Variants in PIK3C2A observed in about 807,000 individuals in gnomAD.
The protein encoded by PIK3C2A is phosphatidylinositol-4-phosphate 3-kinase catalytic subunit type 2 alpha.
A neutral mutation model predicts 204.5 loss-of-function variants in PIK3C2A; 97 were observed. The ratio of observed to expected loss-of-function variants is 0.47; its 90% CI spans 0.40 to 0.56. The LOEUF (loss-of-function observed/expected upper bound fraction) is 0.56, where lower values mean the gene tolerates loss of function less well. Ranked by LOEUF, PIK3C2A falls within the 20% of genes least tolerant of loss-of-function variation. PIK3C2A has a pLI of 0.00. For synonymous variants in PIK3C2A, 653 were observed against 664.4 expected (o/e 0.98, Z 0.26); for missense variants, 1,735 against 1,969.2 (o/e 0.88, Z 2.25).
Position 17,121,104 on chromosome 11 carries a change from T to TTTTTCTTTTC in PIK3C2A, c.2657+1074_2657+1083dup, listed in dbSNP as rs533558948. On this transcript the variant is annotated intron_variant, in intron 15 of 32. Transcript: ENST00000691414. ...CCTATTGATGGACATTTCCAATCAA[T>TTTTTCTTTTC]TTTTCTTTTCTTTTCTTTTCTTTTC... Among the ~76,000 whole-genome samples, 60 of 152,158 alleles carry TTTTTCTTTTC rather than the reference T, an allele frequency of 3.9e-4. No individual in the cohort carries two copies. In the East Asian group the frequency reaches 9.7e-3, roughly 24 times the overall value.
At chr11:17,137,279 G>A (rs1849902765) in intron 8 of PIK3C2A, among the ~76,000 whole-genome samples, 1 of 152,004 alleles carries the variant, frequency 6.6e-6, no homozygotes, top group Non-Finnish European at 1.5e-5. Context: ...CAATTACCCT[G>A]TAGTCCTCGG....
chr11:17,096,931 C>A, intron 27 of PIK3C2A, 126 bp downstream of exon 27: 1 of 618,136 alleles, frequency 1.6e-6, no homozygotes, highest in Non-Finnish European at 2.8e-6. Context: ...TATTTATGGA[C>A]CATTCATGAA....
intron 1 of PIK3C2A, among the ~76,000 whole-genome samples, chr11:17,197,027 G>A (rs765651645): frequency 4.6e-5 from 7 of 151,968 alleles, no homozygotes; most frequent in African/African-American, 1.7e-4. Context: ...GGCCAGGCAC[G>A]GGGCCTCACA....
In PIK3C2A at chr11:17,202,689, G is replaced by A. The variant is rs538866081; in HGVS notation, c.-66+5159C>T. Among the ~76,000 whole-genome samples the A allele has an allele frequency of 1.6e-4, 24 of 152,274 alleles. No homozygotes were observed. The South Asian group carries it at 4.8e-3, about 30-fold the overall frequency. ...ACATCTTTGGGCCTCAGCAAAATCA[G>A]AATACTTGCTGTATTTACCTCACAG... On this transcript the variant is annotated intron_variant, in intron 1 of 32. Transcript: ENST00000691414.
intron 2 of PIK3C2A, among the ~76,000 whole-genome samples, chr11:17,161,322 CTCAG>C (rs746376252): frequency 7.2e-5 from 11 of 152,264 alleles, no homozygotes; most frequent in African/African-American, 1.2e-4. Context: ...TTCAAATATA[CTCAG>C]TCAGACTATG....
chr11:17,129,712 C>T (rs1015856137), intron 12 of PIK3C2A, among the ~76,000 whole-genome samples: 2 of 152,196 alleles, frequency 1.3e-5, no homozygotes, highest in Non-Finnish European at 2.9e-5. Flanking sequence ...CTGCCTCCGA[C>T]TCTCAAGTAG....
At chr11:17,123,178 GGATTA>G (rs1382402302) in intron 13 of PIK3C2A, among the ~76,000 whole-genome samples, 3 of 152,226 alleles carry the variant, frequency 2.0e-5, no homozygotes, top group African/African-American at 7.2e-5. Context: ...GTGGTGGTTT[GGATTA>G]CAGAACTGCT....
intron 30 of PIK3C2A, 89 bp downstream of exon 30, chr11:17,091,907 T>TA: frequency 1.2e-6 from 1 of 856,938 alleles, no homozygotes; most frequent in Non-Finnish European, 2.0e-6. Flanking sequence ...CTACAGCTAG[T>TA]AAGCCTGCTG....
At chr11:17,102,216 C>T (rs1011405745) in intron 24 of PIK3C2A, among the ~76,000 whole-genome samples, 8 of 152,236 alleles carry the variant, frequency 5.3e-5, no homozygotes, top group Non-Finnish European at 1.0e-4. Flanking sequence ...GCGGGTAGAT[C>T]ACTTGGTCAG....
chr11:17,121,898 T>C (rs1849377982), intron 15 of PIK3C2A, among the ~76,000 whole-genome samples: 1 of 151,976 alleles, frequency 6.6e-6, no homozygotes, highest in Non-Finnish European at 1.5e-5. Flanking sequence ...AGTCTATTGT[T>C]TGCCTTTTAA....
chr11:17,135,242 C>G, intron 9 of PIK3C2A, 83 bp from the exon 10 acceptor site: 1 of 1,378,912 alleles, frequency 7.3e-7, no homozygotes, highest in Non-Finnish European at 1.0e-6. Flanking sequence ...CCAAGAAACT[C>G]TTTCCAGGGG....
intron 1 of PIK3C2A, among the ~76,000 whole-genome samples, chr11:17,194,721 C>T: frequency 6.6e-6 from 1 of 151,964 alleles, no homozygotes; most frequent in Middle Eastern, 3.2e-3. Context: ...ACCAGCCTCA[C>T]CAACATGGTG....
At chr11:17,130,773 C>T (rs1426750634) in intron 12 of PIK3C2A, among the ~76,000 whole-genome samples, 1 of 147,066 alleles carries the variant, frequency 6.8e-6, no homozygotes, top group Non-Finnish European at 1.5e-5. Context: ...CACCACTGCA[C>T]TCCAGCCTGG....
chr11:17,154,215 A>G (rs1850513173), intron 3 of PIK3C2A, among the ~76,000 whole-genome samples: 2 of 152,200 alleles, frequency 1.3e-5, no homozygotes, highest in South Asian at 2.1e-4. Flanking sequence ...TGCAAAGCTT[A>G]AATGTAGTAG....
Position 17,169,689 on chromosome 11 carries a change from G to A in PIK3C2A, c.53C>T (p.Pro18Leu), listed in dbSNP as rs1395676889. 2.5e-5 allele frequency: 40 copies of A among 1,609,640 alleles called. No homozygotes were observed. The East Asian group carries it at 3.3e-4, about 13-fold the overall frequency. The stretch of plus-strand genomic sequence containing the variant: ...CACATCTTTTGCTCTTGTTGGTTCC[G>A]GATGTGAAGATGGACATTCTTTAAA... ...SGFKECPSSH[P>L]EPTRAKDVDK... The change falls in exon 2 of 33, where the codon CCG becomes CTG. Residue 18 changes from proline to leucine, a missense_variant. By Grantham distance (98) the Pro-to-Leu change is moderately conservative. Coordinates refer to ENST00000691414, the MANE Select transcript of PIK3C2A (RefSeq NM_002645.4).
intron 1 of PIK3C2A, among the ~76,000 whole-genome samples, chr11:17,204,697 G>C (rs1253002071): frequency 6.6e-6 from 1 of 152,024 alleles, no homozygotes; most frequent in Admixed American, 6.6e-5. Flanking sequence ...TCTTATCCCT[G>C]GGAACCTTTG....
At chr11:17,196,805 C>T (rs1852176732) in intron 1 of PIK3C2A, among the ~76,000 whole-genome samples, 1 of 151,926 alleles carries the variant, frequency 6.6e-6, no homozygotes, top group Non-Finnish European at 1.5e-5. Flanking sequence ...CTCCTGACCT[C>T]GTGATCCGCC....
chr11:17,120,505 T>C (rs1455965146), intron 15 of PIK3C2A, among the ~76,000 whole-genome samples: 1 of 151,704 alleles, frequency 6.6e-6, no homozygotes, highest in African/African-American at 2.4e-5. Context: ...TATATATAAA[T>C]ATATATATAC....
chr11:17,180,274 G>A (rs1410372521), intron 1 of PIK3C2A, among the ~76,000 whole-genome samples: 1 of 152,000 alleles, frequency 6.6e-6, no homozygotes, highest in Non-Finnish European at 1.5e-5. Flanking sequence ...AGTCTGAGAT[G>A]GGAAGACTGC....
Sources: allele counts gnomAD v4.1 joint callset (sites outside exome capture counted in the v4.1 genomes callset), GRCh38; gene constraint gnomAD v4.1.1; transcripts MANE v1.5; gene names NCBI Gene and HGNC (gene_info 2026-07-23, HGNC 2026-07-21).